The following FAM193B variants were observed in gnomAD, a reference collection of about 807,000 sequenced individuals.
The protein encoded by FAM193B is protein FAM193B.
Under a neutral mutation model 70.7 loss-of-function variants are expected in FAM193B, and 27 were observed. The observed-to-expected ratio is 0.38, with a 90% confidence interval of 0.28 to 0.53. FAM193B has a LOEUF of 0.53. Ranked by LOEUF, FAM193B falls within the 20% of genes least tolerant of loss-of-function variation. The probability of loss-of-function intolerance (pLI) is 0.81; values close to 1 mark genes in which losing one functional copy is unlikely to be tolerated. For synonymous variants in FAM193B, 448 were observed against 436.0 expected, an observed-to-expected ratio of 1.03 and a Z score of -0.34; for missense variants, 1,022 against 1,072.5, an observed-to-expected ratio of 0.95 and a Z score of 0.66.
rs779319296 is a variant in FAM193B at position 177,553,889 on chromosome 5, C to G, written c.210+360G>C. The stretch of plus-strand genomic sequence containing the variant: ...CCCAGAGCCCCGAGATGGCCTGTGG[C>G]TGAGGGAGCAGGTGGGCCCGGGGGA... On this transcript the variant is annotated intron_variant, in intron 1 of 8. Coordinates refer to ENST00000514747, the MANE Select transcript of FAM193B (RefSeq NM_001190946.3). 138 of 1,236,508 alleles carry G rather than the reference C, an allele frequency of 1.1e-4. 1 individual carries two copies. The highest frequency in any genetic ancestry group is 1.4e-4 in the Non-Finnish European group (135 of 965,300). The allele number at this position is 1,236,508 out of a possible 1,614,324, so 76.6% of individuals were successfully genotyped here. A position where few individuals can be genotyped will look rare whatever the true frequency, so the allele number is the denominator to read the frequency against.
chr5:177,528,226 T>C (rs901452022), intron 5 of FAM193B, among the ~76,000 whole-genome samples: 2 of 152,148 alleles, frequency 1.3e-5, no homozygotes, highest in Admixed American at 1.3e-4. Context: ...ACTAACACGA[T>C]AGGAACAGCA....
In FAM193B at chr5:177,538,845, C is replaced by CCTGACTTCCTTGGG. The variant is rs778341818; in HGVS notation, c.453+46_453+59dup. On this transcript the variant is annotated intron_variant, in intron 2 of 8. Coordinates refer to ENST00000514747, the MANE Select transcript of FAM193B (RefSeq NM_001190946.3). This position sits in a 1 kb window ranked among gnomAD's most constrained non-coding sequence, Gnocchi z 4.1. ...AGAGCCACCTGAGGACAGGGAACAG[C>CCTGACTTCCTTGGG]CTGACTTCCTTGGGGAGGAGCCCTC... 5.1e-4 allele frequency: 812 copies of CCTGACTTCCTTGGG among 1,597,650 alleles called. 1 individual carries two copies. Among genetic ancestry groups the CCTGACTTCCTTGGG allele is most frequent in the Non-Finnish European group, 6.6e-4 (776 of 1,170,334 alleles).
intron 1 of FAM193B, among the ~76,000 whole-genome samples, chr5:177,549,980 G>A (rs78061415): frequency 6.6e-6 from 1 of 152,154 alleles, no homozygotes; most frequent in Non-Finnish European, 1.5e-5. Flanking sequence ...GATGAGGTAA[G>A]TAAAGGTGTT....
intron 1 of FAM193B, among the ~76,000 whole-genome samples, chr5:177,546,946 C>G (rs867714569): frequency 1.3e-5 from 2 of 152,240 alleles, no homozygotes; most frequent in Non-Finnish European, 2.9e-5. Context: ...AACTGCCACT[C>G]TGCTACTCTA....
intron 1 of FAM193B, among the ~76,000 whole-genome samples, chr5:177,542,507 C>A (rs1764969300): frequency 6.6e-6 from 1 of 152,258 alleles, no homozygotes; most frequent in Non-Finnish European, 1.5e-5. Flanking sequence ...ACGTGAGTCT[C>A]TCATATATGA....
chr5:177,522,054 G>A lies in FAM193B; in HGVS notation c.2390C>T (p.Ala797Val). ...EYFKRFCLDS[A>V]KQTRQKVAVN... is the part of the protein sequence containing the mutation. ...AGCAACTTTCTGACGAGTCTGCTTT[G>A]CAGAATCCAAACAGAACCTGTTGGG... Residue 797 changes from alanine (A) to valine (V), a missense_variant, in exon 8 of 9, where the codon GCA (alanine) becomes GTA (valine). Ala to Val is a moderately conservative substitution (Grantham distance 64). Coordinates refer to ENST00000514747, the MANE Select transcript of FAM193B (RefSeq NM_001190946.3). 6.2e-7 allele frequency: 1 copy of A among 1,614,016 alleles called. No homozygotes were observed. Among genetic ancestry groups the A allele is most frequent in the South Asian group, 1.1e-5 (1 of 91,078 alleles).
At chr5:177,537,440 T>C (rs1311880294) in intron 3 of FAM193B, among the ~76,000 whole-genome samples, 1 of 152,216 alleles carries the variant, frequency 6.6e-6, no homozygotes, top group Non-Finnish European at 1.5e-5. Flanking sequence ...CGGCTTACAC[T>C]GCCAATCTCT....
At chr5:177,522,105 T>G in intron 7 of FAM193B, 34 bp from the exon 8 acceptor site, 1 of 1,556,110 alleles carries the variant, frequency 6.4e-7, no homozygotes, top group East Asian at 2.2e-5. Flanking sequence ...AGAAGCACAA[T>G]CAGAGGTTCA....
chr5:177,538,220 A>C lies in FAM193B; in HGVS notation c.454-113T>G. The stretch of plus-strand genomic sequence containing the variant: ...CCTTCTCCTCCAGACCATGTGCCAT[A>C]GCAAAAACACAATTAATACAACTCC... On this transcript the variant is annotated intron_variant, in intron 2 of 8. Coordinates refer to ENST00000514747, the MANE Select transcript of FAM193B (RefSeq NM_001190946.3). The surrounding 1 kb of genome is among the most constrained non-coding windows in gnomAD (Gnocchi z 4.1). 1.8e-6 allele frequency: 2 copies of C among 1,093,210 alleles called. No homozygotes were observed. Among genetic ancestry groups the C allele is most frequent in the Non-Finnish European group, 2.6e-6 (2 of 778,954 alleles). The allele number at this position is 1,093,210 out of a possible 1,614,324, so 67.7% of individuals were successfully genotyped here.
chr5:177,532,567 T>C lies in FAM193B; in HGVS notation c.1151A>G (p.Asp384Gly). The C allele has an allele frequency of 6.2e-7, 1 of 1,604,734 alleles. No homozygotes were observed. Among genetic ancestry groups the C allele is most frequent in the East Asian group, 2.3e-5 (1 of 44,404 alleles). ...ACQLPQPCEA[D>G]EGLGEEEDSS... ...ATCCTCTTCCTCACCCAGCCCCTCA[T>C]CTGCCTCGCAGGGCTGGGGCAGCTG... The change falls in exon 5 of 9, where the codon GAT becomes GGT. Residue 384 changes from aspartate to glycine, a missense_variant. Transcript: ENST00000514747. This position sits in a 1 kb window ranked among gnomAD's most constrained non-coding sequence, Gnocchi z 4.9.
In FAM193B at chr5:177,524,528, T is replaced by C. The variant is rs1419366807; in HGVS notation, c.1953A>G (p.Pro651=). 2 of 1,612,230 alleles carry C rather than the reference T, an allele frequency of 1.2e-6. No individual in the cohort carries two copies. The highest frequency in any genetic ancestry group is 2.2e-5 in the South Asian group (2 of 90,972). The change falls in exon 6 of 9, where the codon CCA becomes CCG. Residue 651 remains proline (P), a synonymous_variant. Coordinates refer to ENST00000514747, the MANE Select transcript of FAM193B (RefSeq NM_001190946.3). ...GSQAKKSEAS[P]APRPPASLEV... is the part of the protein sequence containing the mutation. Reference sequence around the variant, plus strand: ...CTAGGCTGGCTGGGGGCCGGGGGGCTGGGCTTGCCTCGCTCTTCTTGGCCT... The same window carrying C: ...CTAGGCTGGCTGGGGGCCGGGGGGCCGGGCTTGCCTCGCTCTTCTTGGCCT...
intron 1 of FAM193B, 35 bp from the exon 2 acceptor site, chr5:177,539,182 G>A (rs757220570): frequency 9.9e-6 from 15 of 1,512,470 alleles, no homozygotes; most frequent in Non-Finnish European, 1.2e-5. Flanking sequence ...TTCCCAGGAG[G>A]GGAAAGGCTC....
chr5:177,553,648 G>A (rs1378775055), intron 1 of FAM193B: 2 of 1,275,758 alleles, frequency 1.6e-6, no homozygotes, highest in African/African-American at 1.5e-5. Context: ...AGCAGGGGAG[G>A]GAAGAAGGGC....
intron 1 of FAM193B, 56 bp downstream of exon 1, chr5:177,554,193 C>G (rs764442118): frequency 2.9e-5 from 43 of 1,480,202 alleles, no homozygotes; most frequent in South Asian, 3.7e-5. Context: ...ACTCCCGCTC[C>G]CGCTCGGGGA....
chr5:177,543,585 G>T (rs1372429121), intron 1 of FAM193B, among the ~76,000 whole-genome samples: 1 of 152,206 alleles, frequency 6.6e-6, no homozygotes, highest in Non-Finnish European at 1.5e-5. Flanking sequence ...GTGGAACTGG[G>T]AACTTTCCTC....
intron 5 of FAM193B, among the ~76,000 whole-genome samples, chr5:177,529,947 C>G (rs1393175601): frequency 6.6e-6 from 1 of 152,212 alleles, no homozygotes; most frequent in Non-Finnish European, 1.5e-5. Flanking sequence ...GGAGAAGGAT[C>G]CTGGTTGTCC....
intron 1 of FAM193B, among the ~76,000 whole-genome samples, chr5:177,551,587 T>C (rs1766253597): frequency 6.6e-6 from 1 of 152,332 alleles, no homozygotes; most frequent in Non-Finnish European, 1.5e-5. Flanking sequence ...TCACCATATC[T>C]TTAGTTTAAA....
intron 5 of FAM193B, chr5:177,531,800 T>C: frequency 1.0e-6 from 1 of 968,038 alleles, no homozygotes; most frequent in South Asian, 1.7e-5. Context: ...CTGTATGACC[T>C]TGGGCGAGTC....
chr5:177,527,133 G>A (rs1381991558), intron 5 of FAM193B, among the ~76,000 whole-genome samples: 1 of 152,176 alleles, frequency 6.6e-6, no homozygotes, highest in African/African-American at 2.4e-5. Context: ...AGTGAGACAA[G>A]CATTTTCTAG....
Sources: gnomAD v4.1 joint callset for allele counts (sites outside exome capture counted in the v4.1 genomes callset) on GRCh38, gnomAD v4.1.1 for gene constraint, Gnocchi (gnomAD v3.1) non-coding constraint, MANE v1.5 for transcripts, NCBI Gene and HGNC (gene_info 2026-07-23, HGNC 2026-07-21) for gene names.